Variants in TREH observed in about 807,000 individuals in gnomAD.
The protein encoded by TREH is alpha,alpha-trehalose glucohydrolase.
In TREH, 69 loss-of-function variants were observed where a neutral mutation model predicts 80.5. The ratio of observed to expected loss-of-function variants is 0.86; its 90% CI spans 0.71 to 1.05. TREH has a LOEUF of 1.05. TREH is among the 50% of genes least tolerant of loss of function. The pLI is 0.00. For synonymous variants in TREH, 309 were observed against 293.5 expected, an observed-to-expected ratio of 1.05 and a Z score of -0.54; for missense variants, 716 against 718.8, an observed-to-expected ratio of 1.00 and a Z score of 0.04.
intron 4 of TREH, among the ~76,000 whole-genome samples, chr11:118,662,222 T>G (rs1949331854): frequency 7.3e-6 from 1 of 137,222 alleles, no homozygotes. Context: ...TGGTGCCGGG[T>G]AGAAGACCCG....
intron 1 of TREH, 43 bp from the exon 2 acceptor site, chr11:118,663,482 C>T (rs1555145424): frequency 6.8e-7 from 1 of 1,464,540 alleles, no homozygotes; most frequent in South Asian, 1.2e-5. Flanking sequence ...ACCACCACCA[C>T]CCCATTAGGA....
At chr11:118,669,658 C>T (rs1358926127) in intron 1 of TREH, among the ~76,000 whole-genome samples, 1 of 152,094 alleles carries the variant, frequency 6.6e-6, no homozygotes, top group Non-Finnish European at 1.5e-5. Flanking sequence ...CAATTGAACT[C>T]ATGGAGATAG....
chr11:118,679,508 T>TGTGAG, intron 1 of TREH, 31 bp downstream of exon 1: 1 of 1,463,044 alleles, frequency 6.8e-7, no homozygotes, highest in Non-Finnish European at 9.1e-7. Context: ...CTTATTGCCA[T>TGTGAG]CCTCCCCTGC....
intron 1 of TREH, among the ~76,000 whole-genome samples, chr11:118,679,262 G>T (rs114263567): frequency 2.0e-5 from 3 of 152,136 alleles, no homozygotes; most frequent in Admixed American, 6.5e-5. Context: ...TCTCGAACCC[G>T]GGAGGTCTAG....
intron 1 of TREH, among the ~76,000 whole-genome samples, chr11:118,673,591 C>A (rs1199758210): frequency 6.6e-6 from 1 of 152,184 alleles, no homozygotes; most frequent in African/African-American, 2.4e-5. Context: ...CAGGTGAGCA[C>A]GCAGGGATGT....
chr11:118,679,249 A>C (rs937865102), intron 1 of TREH, among the ~76,000 whole-genome samples: 19 of 152,056 alleles, frequency 1.2e-4, no homozygotes, highest in Non-Finnish European at 2.4e-4. Context: ...AGGCACGAGA[A>C]TCTCTCGAAC....
chr11:118,672,734 AAAG>A (rs1555146434), intron 1 of TREH, among the ~76,000 whole-genome samples: 2 of 151,370 alleles, frequency 1.3e-5, no homozygotes, highest in Non-Finnish European at 1.5e-5. Context: ...AAAAAAAAAA[AAAG>A]AAATCACCTG....
chr11:118,659,382 G>C lies in TREH; in HGVS notation c.1420C>G (p.Leu474Val), dbSNP rs1133780. 1.9e-6 allele frequency: 3 copies of C among 1,583,244 alleles called. No individual in the cohort carries two copies. In the African/African-American group the frequency reaches 4.0e-5, roughly 21 times the overall value. The change falls in exon 12 of 15, where the codon CTG (leucine) becomes GTG (valine). Residue 474 changes from leucine to valine, a missense_variant. Physicochemically the swap from Leu to Val is conservative, Grantham distance 32. Transcript: ENST00000264029. ...FPNAWAPLQD[L>V]VIRGLAKAPL... ...CCTGCCTCCCTACCTCTGATGACCA[G>C]GTCCTGCAGGGGGGCCCAGGCATTG... is the stretch of plus-strand genomic sequence containing the variant.
At chr11:118,670,664 A>G (rs1433937636) in intron 1 of TREH, among the ~76,000 whole-genome samples, 1 of 152,188 alleles carries the variant, frequency 6.6e-6, no homozygotes, top group African/African-American at 2.4e-5. Context: ...CTAGAGTCCC[A>G]TTGTCATTAA....
At position 118,661,342 on chromosome 11, in the gene TREH, G is replaced by A; in HGVS notation, c.734+51C>T. ...TGCTGCCCATCCCCAGCCCTGAGAGGTCTGAGGGATGGGTGGGTCTGCAGA... is the reference window on the plus strand; with the variant it reads ...TGCTGCCCATCCCCAGCCCTGAGAGATCTGAGGGATGGGTGGGTCTGCAGA... On this transcript the variant is annotated intron_variant, in intron 7 of 14. Transcript: ENST00000264029. The surrounding 1 kb of genome is among the most constrained non-coding windows in gnomAD (Gnocchi z 4.2). 2.5e-6 allele frequency: 4 copies of A among 1,613,960 alleles called. No individual in the cohort carries two copies. The highest frequency in any genetic ancestry group is 3.4e-6 in the Non-Finnish European group (4 of 1,179,824).
At chr11:118,660,024 T>A (rs1453364633) in intron 10 of TREH, 60 bp from the exon 11 acceptor site, 9 of 1,487,324 alleles carry the variant, frequency 6.1e-6, no homozygotes, top group Non-Finnish European at 8.2e-6. Flanking sequence ...CCCAGGCTTT[T>A]TTCGTGGTTC....
Position 118,657,363 on chromosome 11 carries a change from A to G in TREH, c.*926T>C, listed in dbSNP as rs1463526629. 1 of 153,964 alleles carries G rather than the reference A, an allele frequency of 6.5e-6. No individual in the cohort carries two copies. The highest frequency in any genetic ancestry group is 1.4e-5 in the Non-Finnish European group (1 of 68,984). 9.5% of individuals were successfully genotyped at this position (153,964 alleles called of 1,614,324 possible). On this transcript the variant is annotated 3_prime_UTR_variant, in exon 15 of 15. Coordinates refer to ENST00000264029, the MANE Select transcript of TREH (RefSeq NM_007180.3). ...ATCCCCTAGTTGCAGACTCATCACC[A>G]TGGTTACCATAGTGACTGCTTCATT...
rs1555144363 is a variant in TREH, at chr11:118,659,479, G to T, written c.1323C>A (p.Asp441Glu). ...CATACTGGTAAGTCAGGATCCGGTTGTCCTAGAAGGTCCCAGACATTCCCA... is the reference window on the plus strand; with the variant it reads ...CATACTGGTAAGTCAGGATCCGGTTTTCCTAGAAGGTCCCAGACATTCCCA... ...VADKALKYLE[D>E]NRILTYQYGI... The change falls in exon 12 of 15, where the codon GAC becomes GAA. Residue 441 changes from aspartate to glutamate, a missense_variant and splice_region_variant. Physicochemically the swap from Asp to Glu is conservative, Grantham distance 45. Coordinates refer to ENST00000264029, the MANE Select transcript of TREH (RefSeq NM_007180.3). The T allele has an allele frequency of 6.3e-7, 1 of 1,581,766 alleles. No homozygotes were observed. Among genetic ancestry groups the T allele is most frequent in the South Asian group, 1.2e-5 (1 of 85,786 alleles).
rs782489333 is a variant in TREH at position 118,661,520 on chromosome 11, G to T, written c.618-11C>A. 6.2e-7 allele frequency: 1 copy of T among 1,613,162 alleles called. No homozygotes were observed. Among genetic ancestry groups the T allele is most frequent in the Admixed American group, 1.7e-5 (1 of 59,864 alleles). ...GGGACATGCCCATAGCTGCCAAGGGGAAGGCCTGCTGAGATGCCCTCTCCC... is the reference window on the plus strand; with the variant it reads ...GGGACATGCCCATAGCTGCCAAGGGTAAGGCCTGCTGAGATGCCCTCTCCC... On this transcript the variant is annotated splice_polypyrimidine_tract_variant and intron_variant, in intron 6 of 14. Transcript: ENST00000264029. The surrounding 1 kb of genome is among the most constrained non-coding windows in gnomAD (Gnocchi z 4.2).
intron 1 of TREH, among the ~76,000 whole-genome samples, chr11:118,666,450 GC>G (rs1315387948): frequency 3.9e-5 from 6 of 152,186 alleles, no homozygotes; most frequent in Admixed American, 6.5e-5. Flanking sequence ...CTGCTGTTGG[GC>G]CCTGACAAGG....
Position 118,674,377 on chromosome 11 carries a change from A to C in TREH, c.89+5162T>G, listed in dbSNP as rs1413753884. 3.9e-5 allele frequency among the ~76,000 whole-genome samples: 6 copies of C among 152,182 alleles called. No homozygotes were observed. The highest frequency in any genetic ancestry group is 8.8e-5 in the Non-Finnish European group (6 of 68,032). On this transcript the variant is annotated intron_variant, in intron 1 of 14. Transcript: ENST00000264029. This position sits in a 1 kb window ranked among gnomAD's most constrained non-coding sequence, Gnocchi z 4.4. ...TATTGGTTCCCATTTGGAATGTCTAATCAATATTGCTTGATGAGTGGATTT... is the reference window on the plus strand; with the variant it reads ...TATTGGTTCCCATTTGGAATGTCTACTCAATATTGCTTGATGAGTGGATTT...
chr11:118,660,622 C>T lies in TREH; in HGVS notation c.1019G>A (p.Arg340Gln), dbSNP rs201417668. Residue 340 changes from arginine to glutamine, a missense_variant, in exon 10 of 15, where the codon CGA becomes CAA. Arg to Gln is a conservative substitution (Grantham distance 43). Coordinates refer to ENST00000264029, the MANE Select transcript of TREH (RefSeq NM_007180.3). ...GTCAACAGGCACCAGTTTGCTTGTTCGGATGCCGCTAAGCGAGTTGGGGTT... is the reference window on the plus strand; with the variant it reads ...GTCAACAGGCACCAGTTTGCTTGTTTGGATGCCGCTAAGCGAGTTGGGGTT... ...GPNPNSLSGI[R>Q]TSKLVPVDLN... The T allele has an allele frequency of 4.4e-6, 7 of 1,608,966 alleles. No individual in the cohort carries two copies. The African/African-American group carries it at 5.3e-5, about 12-fold the overall frequency.
Position 118,663,449 on chromosome 11 carries a change from C to A in TREH, c.90-10G>T, listed in dbSNP as rs782245087. The A allele has an allele frequency of 5.0e-5, 78 of 1,567,176 alleles. 1 individual carries two copies. The Middle Eastern group carries it at 6.6e-4, about 13-fold the overall frequency. Reference sequence around the variant, plus strand: ...GTGGCAGTAAATCTCACTGCAGAGACAGGGATAGGAGCAGGTCAGGTCACC... The same window carrying A: ...GTGGCAGTAAATCTCACTGCAGAGAAAGGGATAGGAGCAGGTCAGGTCACC... On this transcript the variant is annotated splice_polypyrimidine_tract_variant and intron_variant, in intron 1 of 14. Transcript: ENST00000264029.
Position 118,679,583 on chromosome 11 carries a change from C to T in TREH, c.45G>A (p.Gly15=). 2.6e-6 allele frequency: 4 copies of T among 1,554,532 alleles called. No individual in the cohort carries two copies. Among genetic ancestry groups the T allele is most frequent in the South Asian group, 1.2e-5 (1 of 81,544 alleles). The stretch of plus-strand genomic sequence containing the variant: ...GGGCCTCCTGGGACCCCAGTCCCAG[C>T]CCCAGCAGCAGTAGCAGGCACAGCT... The part of the protein sequence containing the change: ...TWELCLLLLL[G]LGLGSQEALP... The change falls in exon 1 of 15, where the codon GGG becomes GGA. Residue 15 remains glycine (G), a synonymous_variant. Transcript: ENST00000264029.
Sources: gnomAD v4.1 joint callset for allele counts (sites outside exome capture counted in the v4.1 genomes callset) on GRCh38, gnomAD v4.1.1 for gene constraint, Gnocchi (gnomAD v3.1) non-coding constraint, MANE v1.5 for transcripts, NCBI Gene and HGNC (gene_info 2026-07-23, HGNC 2026-07-21) for gene names.